CACNA1H: variants seen among roughly 807,000 people sequenced by gnomAD.
CACNA1H encodes calcium voltage-gated channel subunit alpha1 H, also known as voltage-dependent T-type calcium channel subunit alpha-1H.
In CACNA1H, 149 loss-of-function variants were observed where a neutral mutation model predicts 192.5. The ratio of observed to expected loss-of-function variants is 0.77; its 90% confidence interval spans 0.68 to 0.89. The LOEUF (loss-of-function observed/expected upper bound fraction) is 0.89, where lower values mean the gene tolerates loss of function less well. Ranked by LOEUF, CACNA1H falls within the 40% of genes least tolerant of loss-of-function variation. The pLI is 0.00. For missense variants in CACNA1H, 4,257 were observed against 3,423.5 expected, an observed-to-expected ratio of 1.24 and a Z score of -6.08; for synonymous variants, 2,202 against 1,475.2, an observed-to-expected ratio of 1.49 and a Z score of -11.29.
intron 2 of CACNA1H, chr16:1,158,103 C>G (rs1311133487): frequency 1.3e-5 from 2 of 152,312 alleles, no homozygotes; most frequent in African/African-American, 4.8e-5. Flanking sequence ...GTTCCTGGGA[C>G]AGGTGTGGGT....
intron 34 of CACNA1H, among the ~76,000 whole-genome samples, chr16:1,219,662 C>G (rs1970322809): frequency 6.6e-6 from 1 of 152,234 alleles, no homozygotes; most frequent in Non-Finnish European, 1.5e-5. Flanking sequence ...GAGCCCCATC[C>G]TGGGGGTGCC....
At chr16:1,208,842 C>G (rs1969075640) in intron 16 of CACNA1H, among the ~76,000 whole-genome samples, 190 bp from the exon 17 acceptor site, 1 of 152,224 alleles carries the variant, frequency 6.6e-6, no homozygotes, top group South Asian at 2.1e-4. Context: ...AGGCGGACAC[C>G]CTGACCCTCA....
intron 2 of CACNA1H, among the ~76,000 whole-genome samples, chr16:1,175,055 G>A (rs1964738861): frequency 1.3e-5 from 2 of 152,074 alleles, no homozygotes; most frequent in South Asian, 2.1e-4. Context: ...TGTATCAGGA[G>A]TCCTACTCTA....
Position 1,200,541 on chromosome 16 carries a change from C to T in CACNA1H, c.1089C>T (p.Asn363=), listed in dbSNP as rs764535299. ...NPHNGAINFD[N]IGYAWIAIFQ... is the part of the protein sequence containing the mutation. ...ACAACGGTGCCATCAACTTCGACAACATCGGCTACGCCTGGATTGCCATCT... is the reference window on the plus strand; with the variant it reads ...ACAACGGTGCCATCAACTTCGACAATATCGGCTACGCCTGGATTGCCATCT... The change falls in exon 7 of 35, where the codon AAC becomes AAT. Residue 363 remains asparagine (N), a synonymous_variant. Coordinates refer to ENST00000348261, the MANE Select transcript of CACNA1H (RefSeq NM_021098.3). 5.6e-6 allele frequency: 9 copies of T among 1,612,300 alleles called. No homozygotes were observed. The highest frequency in any genetic ancestry group is 7.6e-6 in the Non-Finnish European group (9 of 1,179,714).
rs911224557 is a variant in CACNA1H, at chr16:1,180,713, A to T, written c.300-14259A>T. On this transcript the variant is annotated intron_variant, in intron 2 of 34. Transcript: ENST00000348261. This position sits in a 1 kb window ranked among gnomAD's most constrained non-coding sequence, Gnocchi z 4.4. The stretch of plus-strand genomic sequence containing the variant: ...GAGGGATGAGGTGCAGACTGGGGAG[A>T]GTGCAGGGTGTGCAGCGGGGGCTGG... Among the ~76,000 whole-genome samples, 9 of 151,864 alleles carry T rather than the reference A, an allele frequency of 5.9e-5. No homozygotes were observed. The highest frequency in any genetic ancestry group is 2.2e-4 in the African/African-American group (9 of 41,298).
intron 2 of CACNA1H, among the ~76,000 whole-genome samples, chr16:1,183,410 C>T (rs1388907277): frequency 6.6e-6 from 1 of 152,218 alleles, no homozygotes; most frequent in Non-Finnish European, 1.5e-5. Flanking sequence ...CTCCTGGCCC[C>T]TCCCCCCAGC....
chr16:1,206,309 C>A lies in CACNA1H; in HGVS notation c.2789+20C>A. The A allele has an allele frequency of 1.9e-6, 3 of 1,546,030 alleles. No homozygotes were observed. The highest frequency in any genetic ancestry group is 2.6e-6 in the Non-Finnish European group (3 of 1,144,882). On this transcript the variant is annotated intron_variant, in intron 12 of 34. Transcript: ENST00000348261. ...CTTCAGGTGGGCGCAACCCCCCTCC[C>A]GGCCCGCCCAGTGTCTCACCCCAGG...
intron 6 of CACNA1H, among the ~76,000 whole-genome samples, chr16:1,200,039 C>G (rs771873337): frequency 6.6e-6 from 1 of 152,158 alleles, no homozygotes; most frequent in Non-Finnish European, 1.5e-5. Flanking sequence ...GTGTTCTTGA[C>G]CCTGGTCCTG....
At chr16:1,183,187 C>T (rs1276133623) in intron 2 of CACNA1H, among the ~76,000 whole-genome samples, 1 of 152,148 alleles carries the variant, frequency 6.6e-6, no homozygotes, top group Non-Finnish European at 1.5e-5. Flanking sequence ...CACCCCCGTG[C>T]GGCTGTGGGA....
rs964304221 is a variant in CACNA1H at position 1,158,158 on chromosome 16, C to T, written c.299+4122C>T. On this transcript the variant is annotated intron_variant, in intron 2 of 34. Transcript: ENST00000348261. Reference sequence around the variant, plus strand: ...CTACCCACGAGAGGGCTGGATGTGTCCCTGCCTCCTGGGCTAGTACAGGGT... The same window carrying T: ...CTACCCACGAGAGGGCTGGATGTGTTCCTGCCTCCTGGGCTAGTACAGGGT... 9.2e-5 allele frequency among the ~76,000 whole-genome samples: 14 copies of T among 152,204 alleles called. 1 individual carries two copies. Among genetic ancestry groups the T allele is most frequent in the Admixed American group, 2.0e-4 (3 of 15,286 alleles).
Position 1,210,363 on chromosome 16 carries a change from C to A in CACNA1H, c.3846-7C>A. 2.0e-6 allele frequency: 3 copies of A among 1,511,740 alleles called. No individual in the cohort carries two copies. The highest frequency in any genetic ancestry group is 2.7e-6 in the Non-Finnish European group (3 of 1,121,092). The allele number at this position is 1,511,740 out of a possible 1,614,324, so 93.6% of individuals were successfully genotyped here. Reference sequence around the variant, plus strand: ...GCCCCACCTCTCACCCGCCCCCGCCCACCCAGGTTCCGCGTCTCCTGCCAG... The same window carrying A: ...GCCCCACCTCTCACCCGCCCCCGCCAACCCAGGTTCCGCGTCTCCTGCCAG... On this transcript the variant is annotated splice_polypyrimidine_tract_variant and splice_region_variant and intron_variant, in intron 18 of 34. Coordinates refer to ENST00000348261, the MANE Select transcript of CACNA1H (RefSeq NM_021098.3).
At chr16:1,162,705 C>T (rs530851219) in intron 2 of CACNA1H, among the ~76,000 whole-genome samples, 48 of 151,062 alleles carry the variant, frequency 3.2e-4, no homozygotes, top group African/African-American at 1.2e-3. Context: ...GTCTGGGGGC[C>T]GCACTTGGCT....
At position 1,195,999 on chromosome 16, in the gene CACNA1H, C is replaced by T. The variant is rs1401659429; in HGVS notation, c.619C>T (p.Leu207Phe). The T allele has an allele frequency of 1.9e-6, 3 of 1,612,956 alleles. No homozygotes were observed. Among genetic ancestry groups the T allele is most frequent in the Non-Finnish European group, 1.7e-6 (2 of 1,179,784 alleles). The change falls in exon 5 of 35, where the codon CTC becomes TTC. Residue 207 changes from leucine to phenylalanine, a missense_variant. Coordinates refer to ENST00000348261, the MANE Select transcript of CACNA1H (RefSeq NM_021098.3). ...AIRTVRVLRPLRAINRVPSMR... is the reference protein window; with the variant it reads ...AIRTVRVLRPFRAINRVPSMR... ...CAGGACCGTGCGGGTGCTGCGGCCC[C>T]TCCGCGCCATCAACCGCGTGCCTAG... is the stretch of plus-strand genomic sequence containing the variant.
At chr16:1,160,462 C>T (rs916414060) in intron 2 of CACNA1H, among the ~76,000 whole-genome samples, 1 of 152,224 alleles carries the variant, frequency 6.6e-6, no homozygotes, top group African/African-American at 2.4e-5. Flanking sequence ...GGAAGGAGCT[C>T]TGCTGGCTCT....
rs745896355 is a variant in CACNA1H at position 1,195,091 on chromosome 16, G to C, written c.411+8G>C. On this transcript the variant is annotated splice_region_variant and intron_variant, in intron 3 of 34. Transcript: ENST00000348261. ...CGCTGCAACATCCTGGAGGTGAGGGGCGTGGGTCGGGGTGGGGAAGGAGCG... is the reference window on the plus strand; with the variant it reads ...CGCTGCAACATCCTGGAGGTGAGGGCCGTGGGTCGGGGTGGGGAAGGAGCG... The C allele has an allele frequency of 1.9e-6, 3 of 1,585,932 alleles. No individual in the cohort carries two copies. The highest frequency in any genetic ancestry group is 1.7e-5 in the Admixed American group (1 of 59,676).
chr16:1,156,148 C>G (rs902885637), intron 2 of CACNA1H, among the ~76,000 whole-genome samples: 5 of 152,188 alleles, frequency 3.3e-5, no homozygotes, highest in African/African-American at 9.6e-5. Context: ...GCAGGACCCC[C>G]CACCCTCCTC....
chr16:1,206,071 GC>G, intron 11 of CACNA1H, 32 bp from the exon 12 acceptor site: 1 of 1,527,372 alleles, frequency 6.5e-7, no homozygotes. Context: ...AGGGATCGTG[GC>G]CCCGCTGACC....
Position 1,158,915 on chromosome 16 carries a change from G to C in CACNA1H, c.299+4879G>C, listed in dbSNP as rs553494842. On this transcript the variant is annotated intron_variant, in intron 2 of 34. Transcript: ENST00000348261. Reference sequence around the variant, plus strand: ...CAGCCCGCACCCCTGGCCCCGCAGAGCCCCCCCGCTCAGCCCGCACCGCTG... The same window carrying C: ...CAGCCCGCACCCCTGGCCCCGCAGACCCCCCCCGCTCAGCCCGCACCGCTG... Among the ~76,000 whole-genome samples, 10 of 151,812 alleles carry C rather than the reference G, an allele frequency of 6.6e-5. No homozygotes were observed. In the South Asian group the frequency reaches 2.1e-3, roughly 32 times the overall value.
chr16:1,204,374 C>G lies in CACNA1H; in HGVS notation c.2367C>G (p.Ile789Met). 6.4e-7 allele frequency: 1 copy of G among 1,567,692 alleles called. No homozygotes were observed. ...CCTTCAGCGGCAAGCTGCGCCGCAT[C>G]GTGGACAGCAAGTACTTCAGCCGTG... ...WVTFSGKLRR[I>M]VDSKYFSRGI... The change falls in exon 10 of 35, where the codon ATC (isoleucine) becomes ATG (methionine). Residue 789 changes from isoleucine to methionine, a missense_variant. Physicochemically the swap from Ile to Met is conservative, Grantham distance 10. Coordinates refer to ENST00000348261, the MANE Select transcript of CACNA1H (RefSeq NM_021098.3).
Sources: gnomAD v4.1 joint callset for allele counts (sites outside exome capture counted in the v4.1 genomes callset) on GRCh38, gnomAD v4.1.1 for gene constraint, Gnocchi (gnomAD v3.1) non-coding constraint, MANE v1.5 for transcripts, NCBI Gene and HGNC (gene_info 2026-07-23, HGNC 2026-07-21) for gene names.